Variants in VKORC1L1 observed in about 807,000 individuals in gnomAD.
The protein encoded by VKORC1L1 is vitamin K epoxide reductase complex subunit 1L1.
VKORC1L1 carries 2 observed loss-of-function variants against 18.9 expected under a neutral mutation model. The observed-to-expected ratio is 0.11, with a 90% CI of 0.04 to 0.33. The LOEUF is 0.33. Among genes scored for constraint, VKORC1L1 ranks in the 10% least tolerant of loss-of-function variants. The probability of loss-of-function intolerance (pLI) is 1.00; values close to 1 mark genes in which losing one functional copy is unlikely to be tolerated. For missense variants in VKORC1L1, 123 were observed against 224.1 expected (o/e 0.55, Z 2.88); for synonymous variants, 96 against 100.0 (o/e 0.96, Z 0.24).
At chr7:65,900,604 A>G (rs1789298841) in intron 1 of VKORC1L1, among the ~76,000 whole-genome samples, 1 of 152,046 alleles carries the variant, frequency 6.6e-6, no homozygotes, top group Non-Finnish European at 1.5e-5. Flanking sequence ...GGAGTTCGAG[A>G]CCAGCCTGGC....
At chr7:65,942,478 C>A (rs563174016) in intron 1 of VKORC1L1, among the ~76,000 whole-genome samples, 2 of 130,026 alleles carry the variant, frequency 1.5e-5, no homozygotes, top group African/African-American at 2.9e-5. Flanking sequence ...GGTGACAGAG[C>A]GAGACTCCAT....
chr7:65,908,425 A>G (rs1789443103), intron 1 of VKORC1L1, among the ~76,000 whole-genome samples: 1 of 152,064 alleles, frequency 6.6e-6, no homozygotes, highest in Admixed American at 6.6e-5. Flanking sequence ...AAGAAGAAGA[A>G]CAGAGATTTA....
At chr7:65,913,232 A>G (rs1206673042) in intron 1 of VKORC1L1, among the ~76,000 whole-genome samples, 1 of 152,178 alleles carries the variant, frequency 6.6e-6, no homozygotes, top group African/African-American at 2.4e-5. Flanking sequence ...AATTTTCTGT[A>G]GAGGAAGATT....
At chr7:65,913,839 T>C (rs922709128) in intron 1 of VKORC1L1, among the ~76,000 whole-genome samples, 4 of 151,836 alleles carry the variant, frequency 2.6e-5, no homozygotes, top group Admixed American at 2.6e-4. Context: ...ATGAAATCAC[T>C]AAGGAAAATT....
chr7:65,927,569 G>A (rs1789786749), intron 1 of VKORC1L1, among the ~76,000 whole-genome samples: 1 of 152,146 alleles, frequency 6.6e-6, no homozygotes, highest in African/African-American at 2.4e-5. Flanking sequence ...TAAGGTGTCT[G>A]GTGGACAGGC....
At chr7:65,869,410 G>C (rs1199518681), upstream of VKORC1L1, among the ~76,000 whole-genome samples, 1 of 152,136 alleles carries the variant, frequency 6.6e-6, no homozygotes, top group Non-Finnish European at 1.5e-5. Context: ...TTGCCACAGA[G>C]GGCAAGTAGA....
intron 1 of VKORC1L1, among the ~76,000 whole-genome samples, chr7:65,892,787 TTA>T (rs1270830230): frequency 3.9e-5 from 6 of 152,178 alleles, no homozygotes; most frequent in Non-Finnish European, 2.9e-5. Context: ...AATCAGGTAG[TTA>T]TGTATACCAG....
chr7:65,908,864 A>G (rs4072879), intron 1 of VKORC1L1, among the ~76,000 whole-genome samples: 5,161 of 150,648 alleles, frequency 0.034, 362 homozygotes, highest in East Asian at 0.33. Context: ...ATTCCAATCC[A>G]TTGTAGACTG....
At chr7:65,904,747 TG>T (rs1232248951) in intron 1 of VKORC1L1, among the ~76,000 whole-genome samples, 3 of 151,900 alleles carry the variant, frequency 2.0e-5, no homozygotes, top group Non-Finnish European at 4.4e-5. Flanking sequence ...GACAGCAAAA[TG>T]GTAGATTTAA....
At chr7:65,875,574 C>T (rs1366321439) in intron 1 of VKORC1L1, among the ~76,000 whole-genome samples, 7 of 152,082 alleles carry the variant, frequency 4.6e-5, no homozygotes, top group South Asian at 2.1e-4. Context: ...CCCGCCACAA[C>T]GCCCTGCTAA....
intron 1 of VKORC1L1, among the ~76,000 whole-genome samples, chr7:65,937,106 G>A (rs910118522): frequency 1.3e-5 from 2 of 152,000 alleles, no homozygotes; most frequent in African/African-American, 4.8e-5. Flanking sequence ...GAAGTTTTAT[G>A]GGTTTTGTTT....
Position 65,951,874 on chromosome 7 carries a change from C to T in VKORC1L1, c.305-2200C>T, listed in dbSNP as rs545244010. Among the ~76,000 whole-genome samples the T allele has an allele frequency of 4.6e-5, 7 of 152,268 alleles. No homozygotes were observed. In the East Asian group the frequency reaches 5.8e-4, roughly 13 times the overall value. ...TATTAAATGTCTTCATTCTTTTCTA[C>T]AGCTGCAGAATAATCCATTGCATAA... On this transcript the variant is annotated intron_variant, in intron 2 of 2. Coordinates refer to ENST00000360768, the MANE Select transcript of VKORC1L1 (RefSeq NM_173517.6).
At chr7:65,927,466 T>C (rs1372977376) in intron 1 of VKORC1L1, among the ~76,000 whole-genome samples, 1 of 152,136 alleles carries the variant, frequency 6.6e-6, no homozygotes, top group African/African-American at 2.4e-5. Context: ...CTTGTACCTG[T>C]GAGAAACAAA....
intron 1 of VKORC1L1, among the ~76,000 whole-genome samples, chr7:65,920,075 C>T (rs1371501085): frequency 6.6e-6 from 1 of 152,094 alleles, no homozygotes; most frequent in Non-Finnish European, 1.5e-5. Context: ...CTGTTCCATG[C>T]ATCCTGGCTT....
chr7:65,897,019 T>C (rs1789225355), intron 1 of VKORC1L1, among the ~76,000 whole-genome samples: 1 of 152,010 alleles, frequency 6.6e-6, no homozygotes. Context: ...AATAAATAAA[T>C]AAACAGACAA....
intron 1 of VKORC1L1, among the ~76,000 whole-genome samples, chr7:65,886,753 G>GTTT (rs1583825249): frequency 6.6e-6 from 1 of 150,844 alleles, no homozygotes; most frequent in East Asian, 2.0e-4. Context: ...TAGCCAGGAT[G>GTTT]GTCTCAATCT....
intron 1 of VKORC1L1, among the ~76,000 whole-genome samples, chr7:65,883,136 C>CTTTTTTT (rs34906605): frequency 9.1e-5 from 10 of 109,582 alleles, no homozygotes; most frequent in East Asian, 2.4e-4. Flanking sequence ...TACATTTGAG[C>CTTTTTTT]TTTTTTTTTT....
At chr7:65,910,947 T>G (rs1352468518) in intron 1 of VKORC1L1, among the ~76,000 whole-genome samples, 1 of 152,208 alleles carries the variant, frequency 6.6e-6, no homozygotes, top group Non-Finnish European at 1.5e-5. Context: ...GTACATTTGG[T>G]TTATAAATGC....
chr7:65,913,584 G>A (rs952979947), intron 1 of VKORC1L1, among the ~76,000 whole-genome samples: 1 of 151,750 alleles, frequency 6.6e-6, no homozygotes, highest in African/African-American at 2.4e-5. Flanking sequence ...AAATTAGCCG[G>A]GTGTGGTGGT....
Sources: gnomAD v4.1 joint callset for allele counts (sites outside exome capture counted in the v4.1 genomes callset) on GRCh38, gnomAD v4.1.1 for gene constraint, MANE v1.5 for transcripts, NCBI Gene and HGNC (gene_info 2026-07-23, HGNC 2026-07-21) for gene names.